The following KATNIP variants were observed in gnomAD, a reference collection of about 807,000 sequenced individuals.
KATNIP encodes katanin interacting protein.
In KATNIP, 126 loss-of-function variants were observed where a neutral mutation model predicts 174.0. The observed-to-expected ratio is 0.72, with a 90% CI of 0.63 to 0.84. KATNIP has a LOEUF of 0.84. KATNIP is among the 40% of genes least tolerant of loss of function. The probability of loss-of-function intolerance (pLI) is 0.00; values close to 1 mark genes in which losing one functional copy is unlikely to be tolerated. For missense variants in KATNIP, 1,958 were observed against 2,109.7 expected (o/e 0.93, Z 1.41); for synonymous variants, 810 against 835.7 (o/e 0.97, Z 0.53).
At chr16:27,583,447 G>C (rs1018577022) in intron 2 of KATNIP, among the ~76,000 whole-genome samples, 14 of 152,208 alleles carry the variant, frequency 9.2e-5, no homozygotes, top group Admixed American at 2.0e-4. Context: ...ATGGTGCTAA[G>C]AGGAGGTTCC....
chr16:27,647,840 G>A (rs769592293), intron 5 of KATNIP, among the ~76,000 whole-genome samples: 1 of 151,954 alleles, frequency 6.6e-6, no homozygotes, highest in Non-Finnish European at 1.5e-5. Context: ...TGTAGAGATG[G>A]GGGTCTCACT....
intron 6 of KATNIP, 80 bp from the exon 7 acceptor site, chr16:27,677,649 G>T: frequency 7.4e-7 from 1 of 1,344,650 alleles, no homozygotes; most frequent in Non-Finnish European, 1.0e-6. Context: ...ATAATTCTTT[G>T]GTTCAAATGA....
chr16:27,598,455 G>C (rs1278237656), intron 2 of KATNIP, among the ~76,000 whole-genome samples: 1 of 152,134 alleles, frequency 6.6e-6, no homozygotes, highest in African/African-American at 2.4e-5. Context: ...ACCCCATGTG[G>C]CTACTCAGCC....
chr16:27,607,752 G>A (rs1453774016), intron 2 of KATNIP, among the ~76,000 whole-genome samples: 7 of 152,008 alleles, frequency 4.6e-5, no homozygotes, highest in South Asian at 2.1e-4. Context: ...CCTGCATGGC[G>A]CTAACCATCA....
intron 2 of KATNIP, among the ~76,000 whole-genome samples, chr16:27,607,682 C>T (rs1332378677): frequency 1.3e-5 from 2 of 151,544 alleles, no homozygotes; most frequent in African/African-American, 2.4e-5. Context: ...ACCACAACCT[C>T]CGTCTCCCAG....
chr16:27,694,929 C>T (rs2078864416), intron 8 of KATNIP, among the ~76,000 whole-genome samples: 1 of 152,180 alleles, frequency 6.6e-6, no homozygotes, highest in Admixed American at 6.5e-5. Flanking sequence ...CAGCTTGTCC[C>T]AAATTGAGCC....
intron 6 of KATNIP, among the ~76,000 whole-genome samples, chr16:27,660,807 C>T (rs566465425): frequency 6.6e-6 from 1 of 152,084 alleles, no homozygotes; most frequent in South Asian, 2.1e-4. Flanking sequence ...AGCTATTGCT[C>T]TAGGTCTTTT....
intron 8 of KATNIP, among the ~76,000 whole-genome samples, chr16:27,682,179 A>G (rs1336485928): frequency 1.3e-5 from 2 of 152,248 alleles, no homozygotes; most frequent in Non-Finnish European, 2.9e-5. Context: ...GAAAGTACAA[A>G]AGAGTCGATG....
Position 27,565,802 on chromosome 16 carries a change from C to CA in KATNIP, c.8-8087dup, listed in dbSNP as rs536556595. 2.4e-3 allele frequency among the ~76,000 whole-genome samples: 306 copies of CA among 130,128 alleles called. 2 individuals are homozygous for CA. Among genetic ancestry groups the CA allele is most frequent in the Admixed American group, 3.3e-3 (43 of 12,878 alleles). The allele number at this position is 130,128 out of a possible 152,430, so 85.4% of individuals were successfully genotyped here. A position where few individuals can be genotyped will look rare whatever the true frequency, so the allele number is the denominator to read the frequency against. ...TCTCATAAAAAAAACAACAAAAAAA[C>CA]AAAAAAAAAAAACAAAGGAAGAGTG... On this transcript the variant is annotated intron_variant, in intron 1 of 27. Coordinates refer to ENST00000261588, the MANE Select transcript of KATNIP (RefSeq NM_015202.5).
chr16:27,583,988 G>T (rs1156364020), intron 2 of KATNIP, among the ~76,000 whole-genome samples: 1 of 152,088 alleles, frequency 6.6e-6, no homozygotes, highest in Non-Finnish European at 1.5e-5. Context: ...GATTTAAAAG[G>T]TTTGGGGATG....
intron 22 of KATNIP, among the ~76,000 whole-genome samples, chr16:27,772,583 G>C (rs1214774448): frequency 1.3e-5 from 2 of 152,218 alleles, no homozygotes; most frequent in Non-Finnish European, 2.9e-5. Context: ...CCGGCCCATG[G>C]CCCCTGGCGC....
At chr16:27,748,265 A>G (rs886823728) in intron 15 of KATNIP, among the ~76,000 whole-genome samples, 1 of 152,064 alleles carries the variant, frequency 6.6e-6, no homozygotes. Context: ...CTTATAATAT[A>G]CCTGGCTTAA....
At chr16:27,760,346 C>T (rs2081905626) in intron 18 of KATNIP, among the ~76,000 whole-genome samples, 2 of 152,160 alleles carry the variant, frequency 1.3e-5, no homozygotes, top group Non-Finnish European at 2.9e-5. Flanking sequence ...AGGAAAGAGA[C>T]GTTCCAGCCA....
chr16:27,692,644 C>G (rs996916364), intron 8 of KATNIP, among the ~76,000 whole-genome samples: 1 of 152,160 alleles, frequency 6.6e-6, no homozygotes, highest in South Asian at 2.1e-4. Context: ...CAGGGCTCAC[C>G]GCCTTCGTGT....
intron 2 of KATNIP, among the ~76,000 whole-genome samples, chr16:27,605,544 T>C (rs1317974266): frequency 2.0e-5 from 3 of 152,152 alleles, no homozygotes; most frequent in Non-Finnish European, 4.4e-5. Context: ...AGGGTAGTAA[T>C]AAATGTAACT....
At chr16:27,718,570 T>C (rs2080065787) in intron 13 of KATNIP, 1 of 152,280 alleles carries the variant, frequency 6.6e-6, no homozygotes, top group South Asian at 2.1e-4. Flanking sequence ...CCTCCTGTTA[T>C]TCCTCCTGCT....
intron 1 of KATNIP, among the ~76,000 whole-genome samples, chr16:27,566,848 C>T (rs2090109914): frequency 1.3e-5 from 2 of 152,196 alleles, no homozygotes; most frequent in African/African-American, 2.4e-5. Flanking sequence ...GAAACTGACT[C>T]CCTTTGAAAT....
At chr16:27,712,727 C>T (rs1457306158) in intron 13 of KATNIP, among the ~76,000 whole-genome samples, 1 of 152,130 alleles carries the variant, frequency 6.6e-6, no homozygotes, top group African/African-American at 2.4e-5. Context: ...CCCTGCCTGC[C>T]CCTCTGAGTT....
chr16:27,706,696 G>T (rs573368046), intron 12 of KATNIP, among the ~76,000 whole-genome samples: 3 of 152,334 alleles, frequency 2.0e-5, no homozygotes, highest in African/African-American at 7.2e-5. Flanking sequence ...GCACATTTCA[G>T]ATTGCACTGG....
Sources: gnomAD v4.1 joint callset for allele counts (sites outside exome capture counted in the v4.1 genomes callset) on GRCh38, gnomAD v4.1.1 for gene constraint, MANE v1.5 for transcripts, NCBI Gene and HGNC (gene_info 2026-07-23, HGNC 2026-07-21) for gene names.